Variants in ARMH3 observed in about 807,000 individuals in gnomAD.
ARMH3 encodes the protein armadillo like helical domain containing 3.
Under a neutral mutation model 99.1 loss-of-function variants are expected in ARMH3, and 60 were observed. The ratio of observed to expected loss-of-function variants is 0.61; its 90% CI spans 0.49 to 0.75. ARMH3 has a LOEUF of 0.75. ARMH3 is among the 30% of genes least tolerant of loss of function. ARMH3 has a pLI of 0.00. For synonymous variants in ARMH3, 285 were observed against 292.8 expected (o/e 0.97, Z 0.27); for missense variants, 679 against 843.1 (o/e 0.81, Z 2.41).
chr10:102,037,230 G>A (rs1357518069), intron 2 of ARMH3, among the ~76,000 whole-genome samples: 1 of 139,140 alleles, frequency 7.2e-6, no homozygotes, highest in Admixed American at 7.6e-5. Context: ...CACCCAGGCT[G>A]TAGTGCAATG....
intron 24 of ARMH3, among the ~76,000 whole-genome samples, chr10:101,865,156 C>T (rs1324613851): frequency 6.7e-6 from 1 of 149,650 alleles, no homozygotes; most frequent in Admixed American, 6.7e-5. Context: ...GCAGAGCTTG[C>T]AGTGAGCTGA....
chr10:101,978,724 G>C (rs1846110356), intron 19 of ARMH3, among the ~76,000 whole-genome samples: 1 of 152,180 alleles, frequency 6.6e-6, no homozygotes, highest in South Asian at 2.1e-4. Context: ...TGTGGATCAT[G>C]AGGTCAGGAG....
At chr10:102,012,505 C>T (rs953482400) in intron 10 of ARMH3, among the ~76,000 whole-genome samples, 2 of 152,200 alleles carry the variant, frequency 1.3e-5, no homozygotes, top group African/African-American at 4.8e-5. Context: ...ATGGAAAATA[C>T]TTGTATGATA....
chr10:101,860,767 G>A (rs1465865578), intron 24 of ARMH3, among the ~76,000 whole-genome samples: 3 of 152,098 alleles, frequency 2.0e-5, no homozygotes, highest in Non-Finnish European at 4.4e-5. Context: ...AATACCTAGG[G>A]CATTCAAACA....
chr10:101,915,330 T>C (rs1843033075), intron 23 of ARMH3, among the ~76,000 whole-genome samples: 1 of 152,214 alleles, frequency 6.6e-6, no homozygotes, highest in Non-Finnish European at 1.5e-5. Flanking sequence ...GGAATCAGCA[T>C]CTTGCTAAAT....
At chr10:101,887,045 T>C (rs2067565583) in intron 24 of ARMH3, among the ~76,000 whole-genome samples, 1 of 152,198 alleles carries the variant, frequency 6.6e-6, no homozygotes, top group Admixed American at 6.5e-5. Flanking sequence ...ACATTCACAT[T>C]AATGCTCATA....
At chr10:101,866,030 G>T (rs970722763) in intron 24 of ARMH3, among the ~76,000 whole-genome samples, 1 of 151,630 alleles carries the variant, frequency 6.6e-6, no homozygotes, top group African/African-American at 2.4e-5. Flanking sequence ...AGACCAGCCT[G>T]GCCAACATGG....
At chr10:102,053,050 G>C (rs2067745235) in intron 1 of ARMH3, among the ~76,000 whole-genome samples, 1 of 151,898 alleles carries the variant, frequency 6.6e-6, no homozygotes, top group South Asian at 2.1e-4. Context: ...ATCAATCTCA[G>C]AAGTACAGTA....
chr10:101,859,507 G>A (rs961134174), intron 24 of ARMH3, among the ~76,000 whole-genome samples: 1 of 152,218 alleles, frequency 6.6e-6, no homozygotes, highest in Non-Finnish European at 1.5e-5. Flanking sequence ...AAGATGAAAC[G>A]AATGGGAGAG....
chr10:101,853,050 ATTTTTTT>A (rs747143889), intron 24 of ARMH3, among the ~76,000 whole-genome samples: 3 of 129,570 alleles, frequency 2.3e-5, no homozygotes, highest in African/African-American at 5.7e-5. Context: ...TGCTTGGCTA[ATTTTTTT>A]TTTTTTTTTT....
At chr10:101,909,414 C>CAA (rs1232777837) in intron 23 of ARMH3, among the ~76,000 whole-genome samples, 16 of 72,392 alleles carry the variant, frequency 2.2e-4, no homozygotes, top group African/African-American at 4.7e-4. Flanking sequence ...AACCCTATCT[C>CAA]AAAAAAAAAA....
At chr10:101,965,468 T>C (rs754515977) in intron 20 of ARMH3, among the ~76,000 whole-genome samples, 2 of 152,244 alleles carry the variant, frequency 1.3e-5, no homozygotes, top group African/African-American at 4.8e-5. Flanking sequence ...AAGGCAACAC[T>C]GTGGCAATCT....
At chr10:101,993,245 TG>T (rs901415080) in intron 17 of ARMH3, among the ~76,000 whole-genome samples, 4 of 137,202 alleles carry the variant, frequency 2.9e-5, no homozygotes, top group South Asian at 2.3e-4. Context: ...CACTCCAGCC[TG>T]GGGGGGAGAG....
chr10:101,936,657 A>G (rs915758735), intron 23 of ARMH3, among the ~76,000 whole-genome samples: 1 of 152,020 alleles, frequency 6.6e-6, no homozygotes, highest in African/African-American at 2.4e-5. Context: ...TCCTCTGGGG[A>G]TATGTCCCCA....
At chr10:102,052,523 C>A (rs2067731793) in intron 1 of ARMH3, among the ~76,000 whole-genome samples, 1 of 151,970 alleles carries the variant, frequency 6.6e-6, no homozygotes, top group Non-Finnish European at 1.5e-5. Flanking sequence ...CTTGCCTGAC[C>A]CCATAATCTT....
At chr10:101,972,225 C>A (rs1306741588) in intron 20 of ARMH3, among the ~76,000 whole-genome samples, 1 of 152,000 alleles carries the variant, frequency 6.6e-6, no homozygotes, top group East Asian at 1.9e-4. Context: ...GGCTACCTCC[C>A]CAATAATAAC....
In ARMH3 at chr10:102,041,090, A is replaced by ATATATAATATAT. The variant is rs1554897209; in HGVS notation, c.-11-966_-11-965insATATATTATATA. Among the ~76,000 whole-genome samples, 9 of 132,640 alleles carry ATATATAATATAT rather than the reference A, an allele frequency of 6.8e-5. No individual in the cohort carries two copies. In the East Asian group the frequency reaches 1.0e-3, roughly 15 times the overall value. The allele number at this position is 132,640 out of a possible 152,430, so 87.0% of individuals were successfully genotyped here. On this transcript the variant is annotated intron_variant, in intron 1 of 25. Transcript: ENST00000370033. ...ATTGTGTGTACATATATATATATATAATATATATATATATATATATATGTA... is the reference window on the plus strand; with the variant it reads ...ATTGTGTGTACATATATATATATATATATATAATATATATATATATATATATATATATATGTA...
chr10:101,930,199 A>G (rs559683047), intron 23 of ARMH3, among the ~76,000 whole-genome samples: 2 of 152,266 alleles, frequency 1.3e-5, no homozygotes, highest in East Asian at 1.9e-4. Context: ...TATCAATAGA[A>G]TAAGAAATAG....
At chr10:101,929,607 A>AT (rs771378073) in intron 23 of ARMH3, among the ~76,000 whole-genome samples, 1 of 152,248 alleles carries the variant, frequency 6.6e-6, no homozygotes, top group Non-Finnish European at 1.5e-5. Context: ...ACTGGAATTA[A>AT]TTTAGTATAA....
Sources: allele counts gnomAD v4.1 joint callset (sites outside exome capture counted in the v4.1 genomes callset), GRCh38; gene constraint gnomAD v4.1.1; transcripts MANE v1.5; gene names NCBI Gene and HGNC (gene_info 2026-07-23, HGNC 2026-07-21).